The following HPSE2 variants were observed in gnomAD, a reference collection of about 807,000 sequenced individuals.
The protein encoded by HPSE2 is inactive heparanase-2.
A neutral mutation model predicts 60.5 loss-of-function variants in HPSE2; 38 were observed. The ratio of observed to expected loss-of-function variants is 0.63; its 90% confidence interval spans 0.48 to 0.82. The LOEUF is 0.82. Ranked by LOEUF, HPSE2 falls within the 40% of genes least tolerant of loss-of-function variation. The pLI is 0.00. For synonymous variants in HPSE2, 295 were observed against 293.2 expected (o/e 1.01, Z -0.06); for missense variants, 713 against 740.4 (o/e 0.96, Z 0.43).
At chr10:98,963,800 T>G (rs937178796) in intron 3 of HPSE2, among the ~76,000 whole-genome samples, 2 of 152,040 alleles carry the variant, frequency 1.3e-5, no homozygotes, top group Non-Finnish European at 2.9e-5. Flanking sequence ...GGATTAGTCA[T>G]GGAATCATGA....
At chr10:98,799,445 G>C (rs1416921294) in intron 3 of HPSE2, among the ~76,000 whole-genome samples, 2 of 152,218 alleles carry the variant, frequency 1.3e-5, no homozygotes, top group African/African-American at 2.4e-5. Context: ...GGACCTAATA[G>C]TTATTTACAG....
At chr10:98,662,923 A>C (rs574850064) in intron 6 of HPSE2, among the ~76,000 whole-genome samples, 7 of 152,340 alleles carry the variant, frequency 4.6e-5, no homozygotes, top group Middle Eastern at 3.4e-3. Context: ...CTATATAATA[A>C]ATTTAGAAAG....
chr10:99,165,994 T>C (rs373057294), intron 2 of HPSE2, among the ~76,000 whole-genome samples: 4 of 109,856 alleles, frequency 3.6e-5, no homozygotes, highest in East Asian at 3.4e-4. Flanking sequence ...TTGTTGTTTT[T>C]TGGTTTTGTT....
the HPSE2 span, among the ~76,000 whole-genome samples, chr10:99,262,777 C>G: frequency 1.3e-5 from 2 of 152,080 alleles, no homozygotes; most frequent in Non-Finnish European, 2.9e-5. Context: ...GGTGCCAAAT[C>G]CATATACTCT....
chr10:98,721,503 G>A (rs568489217), intron 5 of HPSE2, among the ~76,000 whole-genome samples, 154 bp downstream of exon 5: 4 of 152,010 alleles, frequency 2.6e-5, no homozygotes, highest in Non-Finnish European at 5.9e-5. Flanking sequence ...GAGAATCTCT[G>A]TCTTAGAGTG....
At chr10:98,894,265 A>G (rs936975080) in intron 3 of HPSE2, among the ~76,000 whole-genome samples, 14 of 152,218 alleles carry the variant, frequency 9.2e-5, no homozygotes, top group Admixed American at 7.9e-4. Flanking sequence ...AGCAAGAAAT[A>G]GCAAGTACAA....
At chr10:99,186,542 CAAAAAAAAAAAAAAAAA>C (rs60186369) in intron 2 of HPSE2, among the ~76,000 whole-genome samples, 3 of 59,456 alleles carry the variant, frequency 5.0e-5, no homozygotes, top group African/African-American at 2.4e-4. Flanking sequence ...GACTCCATCT[CAAAAAAAAAAAAAAAAA>C]AAAAAAAAAA....
chr10:98,586,409 G>A (rs2133933200), intron 9 of HPSE2, among the ~76,000 whole-genome samples: 1 of 152,048 alleles, frequency 6.6e-6, no homozygotes, highest in South Asian at 2.1e-4. Flanking sequence ...CATTCACATA[G>A]GCCACTATTA....
chr10:98,568,010 T>C (rs143159995), intron 9 of HPSE2, among the ~76,000 whole-genome samples: 4 of 152,292 alleles, frequency 2.6e-5, no homozygotes, highest in African/African-American at 9.6e-5. Context: ...GAAAAGACAC[T>C]GCTGGGAAGA....
the HPSE2 span, among the ~76,000 whole-genome samples, chr10:99,296,063 T>A: frequency 6.6e-6 from 1 of 152,208 alleles, no homozygotes; most frequent in East Asian, 1.9e-4. Context: ...GTCTGTTTAA[T>A]CACTTTCTAT....
At chr10:98,904,881 T>C (rs1358874832) in intron 3 of HPSE2, among the ~76,000 whole-genome samples, 1 of 152,240 alleles carries the variant, frequency 6.6e-6, no homozygotes, top group African/African-American at 2.4e-5. Flanking sequence ...TGAAATGACA[T>C]ACTCAGTGTA....
intron 5 of HPSE2, among the ~76,000 whole-genome samples, chr10:98,697,888 A>G (rs2134182024): frequency 6.6e-6 from 1 of 152,062 alleles, no homozygotes; most frequent in African/African-American, 2.4e-5. Flanking sequence ...CAAAAGAGAC[A>G]AAGAAGGCCA....
At chr10:98,578,024 C>T (rs1944689558) in intron 9 of HPSE2, among the ~76,000 whole-genome samples, 1 of 152,092 alleles carries the variant, frequency 6.6e-6, no homozygotes, top group Non-Finnish European at 1.5e-5. Flanking sequence ...TCTATCTGTC[C>T]TTGACATTTC....
At chr10:99,100,859 T>C (rs1843941769) in intron 3 of HPSE2, among the ~76,000 whole-genome samples, 1 of 152,182 alleles carries the variant, frequency 6.6e-6, no homozygotes, top group Non-Finnish European at 1.5e-5. Flanking sequence ...AAGAAAAGAA[T>C]TTTCAACCCA....
At chr10:98,842,669 T>C (rs1951943621) in intron 3 of HPSE2, among the ~76,000 whole-genome samples, 1 of 152,134 alleles carries the variant, frequency 6.6e-6, no homozygotes, top group Admixed American at 6.5e-5. Flanking sequence ...ACCAGAGTGG[T>C]ACATTTCTTC....
the HPSE2 span, among the ~76,000 whole-genome samples, chr10:99,265,740 A>G: frequency 6.6e-6 from 1 of 152,336 alleles, no homozygotes; most frequent in South Asian, 2.1e-4. Flanking sequence ...GAAAGCTGAG[A>G]GAGTCCACAG....
intron 9 of HPSE2, among the ~76,000 whole-genome samples, chr10:98,511,617 C>G (rs977064126): frequency 8.7e-6 from 1 of 115,026 alleles, no homozygotes; most frequent in African/African-American, 2.8e-5. Flanking sequence ...TGTGTGCGCA[C>G]GTGTGTGTTG....
At chr10:98,912,044 AAATAT>A (rs1201163505) in intron 3 of HPSE2, among the ~76,000 whole-genome samples, 1 of 152,224 alleles carries the variant, frequency 6.6e-6, no homozygotes, top group Non-Finnish European at 1.5e-5. Flanking sequence ...ATTAAGTGAT[AAATAT>A]TAGTAACATA....
the HPSE2 span, among the ~76,000 whole-genome samples, chr10:99,299,271 G>A: frequency 1.3e-5 from 2 of 152,114 alleles, no homozygotes; most frequent in East Asian, 1.9e-4. Flanking sequence ...GAAGTAAGCC[G>A]GACCAGTACT....
Sources: gnomAD v4.1 joint callset for allele counts (sites outside exome capture counted in the v4.1 genomes callset) on GRCh38, gnomAD v4.1.1 for gene constraint, MANE v1.5 for transcripts, NCBI Gene and HGNC (gene_info 2026-07-23, HGNC 2026-07-21) for gene names.